Variants in CNTN3 observed in about 807,000 individuals in gnomAD.
CNTN3 encodes the protein contactin-3.
Under a neutral mutation model 119.1 loss-of-function variants are expected in CNTN3, and 60 were observed. The observed-to-expected ratio is 0.50, with a 90% CI of 0.41 to 0.62. CNTN3 has a LOEUF of 0.62. CNTN3 is among the 20% of genes least tolerant of loss of function. CNTN3 has a pLI of 0.00. For synonymous variants in CNTN3, 450 were observed against 438.7 expected (o/e 1.03, Z -0.32); for missense variants, 1,101 against 1,242.4 (o/e 0.89, Z 1.71).
chr3:74,306,427 A>C (rs1702564957), intron 13 of CNTN3, among the ~76,000 whole-genome samples: 1 of 152,192 alleles, frequency 6.6e-6, no homozygotes, highest in Non-Finnish European at 1.5e-5. Context: ...AATACTTTGA[A>C]TAAAAAATAG....
At position 74,318,409 on chromosome 3, in the gene CNTN3, C is replaced by T. The variant is rs201121415; in HGVS notation, c.1669-15602G>A. 5.9e-5 allele frequency among the ~76,000 whole-genome samples: 9 copies of T among 152,262 alleles called. No individual in the cohort carries two copies. In the South Asian group the frequency reaches 8.3e-4, roughly 14 times the overall value. ...CTGCGTTCCTTTGGAGGAGGAGAGGCGCTCTGATTTTTAGAGTTTCCAGTT... is the reference window on the plus strand; with the variant it reads ...CTGCGTTCCTTTGGAGGAGGAGAGGTGCTCTGATTTTTAGAGTTTCCAGTT... On this transcript the variant is annotated intron_variant, in intron 13 of 22. Transcript: ENST00000263665.
At chr3:74,606,626 G>C (rs191135548) in intron 1 of CNTN3, among the ~76,000 whole-genome samples, 9 of 152,050 alleles carry the variant, frequency 5.9e-5, no homozygotes, top group Non-Finnish European at 1.2e-4. Flanking sequence ...GACAAAAAAT[G>C]ATATTTTCCA....
At chr3:74,283,293 C>T (rs1702051013) in intron 20 of CNTN3, among the ~76,000 whole-genome samples, 2 of 152,088 alleles carry the variant, frequency 1.3e-5, no homozygotes, top group African/African-American at 4.8e-5. Flanking sequence ...CTAATACCTT[C>T]AAGTCATGAC....
chr3:74,339,616 C>A (rs747174793), intron 11 of CNTN3, among the ~76,000 whole-genome samples: 5 of 152,052 alleles, frequency 3.3e-5, no homozygotes, highest in Non-Finnish European at 7.4e-5. Flanking sequence ...TCCTCCAGTA[C>A]ACTGTAGGCT....
chr3:74,407,536 G>C (rs931785278), intron 5 of CNTN3, among the ~76,000 whole-genome samples: 1 of 150,918 alleles, frequency 6.6e-6, no homozygotes, highest in Non-Finnish European at 1.5e-5. Context: ...GCCTCTCAAA[G>C]TGCTGGGATT....
chr3:74,320,190 A>G (rs1399726195), intron 13 of CNTN3, among the ~76,000 whole-genome samples: 1 of 152,228 alleles, frequency 6.6e-6, no homozygotes, highest in African/African-American at 2.4e-5. Flanking sequence ...AGGAGTATAA[A>G]TCATGCTGCT....
intron 13 of CNTN3, among the ~76,000 whole-genome samples, chr3:74,333,380 C>T (rs1280109922): frequency 6.6e-6 from 1 of 152,216 alleles, no homozygotes; most frequent in African/African-American, 2.4e-5. Flanking sequence ...AGCCAGGCTC[C>T]CTGCAAAATC....
chr3:74,391,803 G>A (rs575256072), intron 5 of CNTN3, among the ~76,000 whole-genome samples: 10 of 152,052 alleles, frequency 6.6e-5, no homozygotes, highest in South Asian at 4.2e-4. Flanking sequence ...GACTACGTTC[G>A]CGTGCCACCA....
chr3:74,602,757 C>T (rs1704932232), intron 1 of CNTN3, among the ~76,000 whole-genome samples: 1 of 152,108 alleles, frequency 6.6e-6, no homozygotes, highest in South Asian at 2.1e-4. Context: ...CTTACCTCCC[C>T]TTCCTTAATT....
chr3:74,541,436 A>G (rs897638538), intron 1 of CNTN3, among the ~76,000 whole-genome samples: 2 of 152,160 alleles, frequency 1.3e-5, no homozygotes, highest in Non-Finnish European at 1.5e-5. Context: ...AGGTTTACAC[A>G]TCTACCTATT....
chr3:74,501,108 A>G (rs536086479), intron 2 of CNTN3, among the ~76,000 whole-genome samples: 5 of 151,932 alleles, frequency 3.3e-5, no homozygotes, highest in African/African-American at 9.7e-5. Context: ...AGCTGATTGA[A>G]ATGTCTGTTT....
chr3:74,384,468 T>C (rs1286996267), intron 5 of CNTN3, among the ~76,000 whole-genome samples: 1 of 152,226 alleles, frequency 6.6e-6, no homozygotes, highest in African/African-American at 2.4e-5. Flanking sequence ...AGAATAAACT[T>C]ACCTAGGAAT....
intron 1 of CNTN3, among the ~76,000 whole-genome samples, chr3:74,570,791 G>A (rs571023609): frequency 6.6e-6 from 1 of 152,284 alleles, no homozygotes; most frequent in South Asian, 2.1e-4. Flanking sequence ...GTATCACTTA[G>A]AGTAAATTGG....
Position 74,301,785 on chromosome 3 carries a change from T to A in CNTN3, c.1807A>T (p.Asn603Tyr). 6.2e-7 allele frequency: 1 copy of A among 1,614,022 alleles called. No individual in the cohort carries two copies. Among genetic ancestry groups the A allele is most frequent in the Non-Finnish European group, 8.5e-7 (1 of 1,179,916 alleles). The change falls in exon 15 of 23, where the codon AAT becomes TAT. Residue 603 changes from asparagine (N) to tyrosine (Y), a missense_variant. Coordinates refer to ENST00000263665, the MANE Select transcript of CNTN3 (RefSeq NM_020872.3). The stretch of plus-strand genomic sequence containing the variant: ...TCTGTAATTTCATCTACCTTCACAT[T>A]TTCTGGTGGTCCAGGTGAACCTAAG... ...IVRGSPGPPE[N>Y]VKVDEITDTT...
intron 5 of CNTN3, among the ~76,000 whole-genome samples, chr3:74,410,144 G>A (rs917958350): frequency 1.3e-5 from 2 of 152,070 alleles, no homozygotes; most frequent in Non-Finnish European, 2.9e-5. Flanking sequence ...TCCATATCTT[G>A]TTCTAATAGC....
intron 1 of CNTN3, among the ~76,000 whole-genome samples, chr3:74,558,938 G>A (rs557885974): frequency 8.6e-5 from 13 of 151,238 alleles, no homozygotes; most frequent in African/African-American, 2.7e-4. Flanking sequence ...AGCTGAGATT[G>A]TGTCACTGCA....
At chr3:74,459,507 C>G (rs1702327195) in intron 4 of CNTN3, among the ~76,000 whole-genome samples, 3 of 151,972 alleles carry the variant, frequency 2.0e-5, no homozygotes, top group Admixed American at 2.0e-4. Flanking sequence ...CTCTGACCCG[C>G]CTATCTTCGA....
intron 14 of CNTN3, among the ~76,000 whole-genome samples, chr3:74,302,174 T>G (rs1702473414): frequency 6.6e-6 from 1 of 152,212 alleles, no homozygotes; most frequent in Non-Finnish European, 1.5e-5. Context: ...GGTGTATCTC[T>G]GTAGTTCCCA....
intron 8 of CNTN3, among the ~76,000 whole-genome samples, chr3:74,368,408 G>C (rs943155565): frequency 6.6e-6 from 1 of 151,968 alleles, no homozygotes; most frequent in African/African-American, 2.4e-5. Flanking sequence ...CACTAGTTTT[G>C]CGATGTTTCT....
Sources: gnomAD v4.1 joint callset for allele counts (sites outside exome capture counted in the v4.1 genomes callset) on GRCh38, gnomAD v4.1.1 for gene constraint, MANE v1.5 for transcripts, NCBI Gene and HGNC (gene_info 2026-07-23, HGNC 2026-07-21) for gene names.